ASCC1: variants seen among roughly 807,000 people sequenced by gnomAD.
ASCC1 encodes activating signal cointegrator 1 complex subunit 1.
A neutral mutation model predicts 46.6 loss-of-function variants in ASCC1; 35 were observed. The ratio of observed to expected loss-of-function variants is 0.75; its 90% CI spans 0.57 to 0.99. The LOEUF (loss-of-function observed/expected upper bound fraction) is 0.99, where lower values mean the gene tolerates loss of function less well. ASCC1 is among the 50% of genes least tolerant of loss of function. The pLI, the probability that ASCC1 is intolerant of heterozygous loss-of-function variation, is 0.00. For synonymous variants in ASCC1, 143 were observed against 146.6 expected (o/e 0.98, Z 0.18); for missense variants, 376 against 428.7 (o/e 0.88, Z 1.09).
Position 72,096,905 on chromosome 10 carries a change from G to A in ASCC1, c.*429C>T, listed in dbSNP as rs1841151121. The A allele has an allele frequency of 4.4e-6, 2 of 454,006 alleles. No homozygotes were observed. The highest frequency in any genetic ancestry group is 4.0e-5 in the African/African-American group (2 of 49,992). The allele number at this position is 454,006 out of a possible 1,614,324, so 28.1% of individuals were successfully genotyped here. Reference sequence around the variant, plus strand: ...AGCAGAATGGTGGCTGCGGGGGCTGGGAGGAGTGGGAATTACTGTTTAATG... The same window carrying A: ...AGCAGAATGGTGGCTGCGGGGGCTGAGAGGAGTGGGAATTACTGTTTAATG... On this transcript the variant is annotated 3_prime_UTR_variant, in exon 10 of 10. Transcript: ENST00000672957.
chr10:72,149,806 A>T (rs187703900), intron 7 of ASCC1, among the ~76,000 whole-genome samples: 1 of 152,294 alleles, frequency 6.6e-6, no homozygotes, highest in East Asian at 1.9e-4. Flanking sequence ...CTAGTATGTG[A>T]TCTCCTATAA....
At chr10:72,097,868 G>A (rs765079039) in intron 9 of ASCC1, among the ~76,000 whole-genome samples, 1 of 152,178 alleles carries the variant, frequency 6.6e-6, no homozygotes, top group African/African-American at 2.4e-5. Context: ...GGTTAAATTT[G>A]ACGTAACATA....
intron 8 of ASCC1, among the ~76,000 whole-genome samples, chr10:72,128,852 A>C (rs1344676094): frequency 1.3e-5 from 2 of 152,232 alleles, no homozygotes; most frequent in East Asian, 1.9e-4. Flanking sequence ...AAAAAATGTA[A>C]CATCATTTCA....
rs147923945 is a variant in ASCC1 at position 72,118,801 on chromosome 10, A to G, written c.957+9281T>C. ...TCTCAAAAAAAAAAGAAAAAAAAGA[A>G]AAAGAAAGAAATAATATACTTTCTA... On this transcript the variant is annotated intron_variant, in intron 9 of 9. Coordinates refer to ENST00000672957, the MANE Select transcript of ASCC1 (RefSeq NM_001198800.3). Among the ~76,000 whole-genome samples, 974 of 152,268 alleles carry G rather than the reference A, an allele frequency of 6.4e-3. 8 individuals are homozygous for G. The highest frequency in any genetic ancestry group is 0.022 in the African/African-American group (929 of 41,562).
intron 7 of ASCC1, chr10:72,133,771 G>T (rs947116348): frequency 6.0e-6 from 1 of 167,642 alleles, no homozygotes; most frequent in Non-Finnish European, 1.3e-5. Context: ...AGTGGGAAGG[G>T]CTTTAGAAGA....
At position 72,096,591 on chromosome 10, in the gene ASCC1, G is replaced by A. The variant is rs879755366; in HGVS notation, c.*743C>T. On this transcript the variant is annotated 3_prime_UTR_variant, in exon 10 of 10. Coordinates refer to ENST00000672957, the MANE Select transcript of ASCC1 (RefSeq NM_001198800.3). ...CTGGGTGGTAAAGGAATTAAAGGCAGAGTCTCAAAGAGATATTTGCACCCC... is the reference window on the plus strand; with the variant it reads ...CTGGGTGGTAAAGGAATTAAAGGCAAAGTCTCAAAGAGATATTTGCACCCC... The A allele has an allele frequency of 1.3e-5, 6 of 453,540 alleles. No homozygotes were observed. The highest frequency in any genetic ancestry group is 2.6e-5 in the Non-Finnish European group (6 of 226,464). The allele number at this position is 453,540 out of a possible 1,614,324, so 28.1% of individuals were successfully genotyped here. A position where few individuals can be genotyped will look rare whatever the true frequency, so the allele number is the denominator to read the frequency against.
chr10:72,144,003 CTTTTTT>C (rs889715141), intron 7 of ASCC1, among the ~76,000 whole-genome samples: 1 of 147,328 alleles, frequency 6.8e-6, no homozygotes, highest in Non-Finnish European at 1.5e-5. Context: ...TTCTTTCTTT[CTTTTTT>C]TTTTAACAGT....
chr10:72,108,076 C>CTT lies in ASCC1; in HGVS notation c.958-10628_958-10627dup, dbSNP rs375287948. ...ATACTTTCTTTTTCTTTTTCTTTTT[C>CTT]TTTTTTTTTTTTTTTTTTGAAACAA... is the stretch of plus-strand genomic sequence containing the variant. On this transcript the variant is annotated intron_variant, in intron 9 of 9. Transcript: ENST00000672957. 3.5e-3 allele frequency among the ~76,000 whole-genome samples: 447 copies of CTT among 128,348 alleles called. 3 individuals are homozygous for CTT. The highest frequency in any genetic ancestry group is 4.3e-3 in the Non-Finnish European group (258 of 59,852). 84.2% of individuals were successfully genotyped at this position (128,348 alleles called of 152,430 possible).
chr10:72,146,897 TAC>T (rs924162657), intron 7 of ASCC1, among the ~76,000 whole-genome samples: 1 of 152,088 alleles, frequency 6.6e-6, no homozygotes, highest in Admixed American at 6.6e-5. Context: ...TGTATTTTAC[TAC>T]ACACAGTTCT....
chr10:72,179,848 T>C (rs1436512552), intron 5 of ASCC1, among the ~76,000 whole-genome samples: 1 of 152,092 alleles, frequency 6.6e-6, no homozygotes, highest in East Asian at 1.9e-4. Flanking sequence ...TATAGATTAC[T>C]AGCAGAAAAA....
chr10:72,154,415 A>G (rs925397727), intron 6 of ASCC1, among the ~76,000 whole-genome samples: 2 of 152,112 alleles, frequency 1.3e-5, no homozygotes, highest in Admixed American at 1.3e-4. Context: ...AGTAAAAGAA[A>G]CAACCAGACA....
chr10:72,144,581 T>C (rs1847415599), intron 7 of ASCC1, among the ~76,000 whole-genome samples: 1 of 152,180 alleles, frequency 6.6e-6, no homozygotes. Context: ...GAATTTGTGT[T>C]TGTCCCCTTT....
At position 72,204,310 on chromosome 10, in the gene ASCC1, T is replaced by C. The variant is rs906728525; in HGVS notation, c.213-786A>G. Reference sequence around the variant, plus strand: ...AAAAATTAGAATATCTGAGGACTCATGGCAACAGCGAGCTACAGCCAACTC... The same window carrying C: ...AAAAATTAGAATATCTGAGGACTCACGGCAACAGCGAGCTACAGCCAACTC... On this transcript the variant is annotated intron_variant, in intron 3 of 9. Coordinates refer to ENST00000672957, the MANE Select transcript of ASCC1 (RefSeq NM_001198800.3). 4.8e-6 allele frequency: 6 copies of C among 1,251,042 alleles called. No individual in the cohort carries two copies. In the African/African-American group the frequency reaches 6.0e-5, roughly 13 times the overall value. 77.5% of individuals were successfully genotyped at this position (1,251,042 alleles called of 1,614,324 possible). A position where few individuals can be genotyped will look rare whatever the true frequency, so the allele number is the denominator to read the frequency against.
chr10:72,121,792 T>C (rs1564606245), intron 9 of ASCC1, among the ~76,000 whole-genome samples: 1 of 152,198 alleles, frequency 6.6e-6, no homozygotes, highest in Non-Finnish European at 1.5e-5. Context: ...AACTCACTAT[T>C]ATAGTTGGAG....
chr10:72,120,683 A>G (rs1025827117), intron 9 of ASCC1, among the ~76,000 whole-genome samples: 1 of 152,096 alleles, frequency 6.6e-6, no homozygotes, highest in African/African-American at 2.4e-5. Context: ...AGCCGAAGGG[A>G]AAAAACAAAT....
chr10:72,188,172 G>A (rs1021909775), intron 5 of ASCC1, among the ~76,000 whole-genome samples: 9 of 141,480 alleles, frequency 6.4e-5, no homozygotes, highest in African/African-American at 2.1e-4. Context: ...AGGCTGGAGT[G>A]CAGTGGCATG....
chr10:72,182,891 G>A (rs1219956918), intron 5 of ASCC1, among the ~76,000 whole-genome samples: 1 of 139,916 alleles, frequency 7.1e-6, no homozygotes, highest in Non-Finnish European at 1.5e-5. Context: ...GTACTGAGGG[G>A]GGAAAATATA....
At position 72,115,256 on chromosome 10, in the gene ASCC1, G is replaced by C. The variant is rs116856998; in HGVS notation, c.957+12826C>G. Among the ~76,000 whole-genome samples, 57 of 152,242 alleles carry C rather than the reference G, an allele frequency of 3.7e-4. No individual in the cohort carries two copies. The East Asian group carries it at 0.011, about 28-fold the overall frequency. ...GTCTGTAGAAAACAGTTCCAAAAAAGTTTCCTGAGTGCCTGCCAGGTGCAA... is the reference window on the plus strand; with the variant it reads ...GTCTGTAGAAAACAGTTCCAAAAAACTTTCCTGAGTGCCTGCCAGGTGCAA... On this transcript the variant is annotated intron_variant, in intron 9 of 9. Transcript: ENST00000672957.
Position 72,203,465 on chromosome 10 carries a change from G to T in ASCC1, c.272C>A (p.Ser91Tyr). The change falls in exon 4 of 10, where the codon TCT becomes TAT. Residue 91 changes from serine (S) to tyrosine (Y), a missense_variant. By Grantham distance (144) the Ser-to-Tyr change is moderately radical. Transcript: ENST00000672957. The stretch of plus-strand genomic sequence containing the variant: ...TTGTCCAGGTTTAGGAATGCTAATA[G>T]AAGTTTTGGTCTCCATTTCTATTTT... ...RKKIEMETKT[S>Y]ISIPKPGQDG... 6.2e-7 allele frequency: 1 copy of T among 1,613,606 alleles called. No homozygotes were observed. Among genetic ancestry groups the T allele is most frequent in the East Asian group, 2.2e-5 (1 of 44,864 alleles).
Sources: allele counts gnomAD v4.1 joint callset (sites outside exome capture counted in the v4.1 genomes callset), GRCh38; gene constraint gnomAD v4.1.1; transcripts MANE v1.5; gene names NCBI Gene and HGNC (gene_info 2026-07-23, HGNC 2026-07-21).